The following PTCHD4 variants were observed in gnomAD, a reference collection of about 807,000 sequenced individuals.
PTCHD4 encodes patched domain-containing protein 4.
A neutral mutation model predicts 58.1 loss-of-function variants in PTCHD4; 33 were observed. The ratio of observed to expected loss-of-function variants is 0.57; its 90% CI spans 0.43 to 0.76. PTCHD4 has a LOEUF of 0.76. PTCHD4 is among the 30% of genes least tolerant of loss of function. The probability of loss-of-function intolerance (pLI) is 0.00; values close to 1 mark genes in which losing one functional copy is unlikely to be tolerated. For synonymous variants in PTCHD4, 478 were observed against 409.6 expected (o/e 1.17, Z -2.02); for missense variants, 1,058 against 1,027.1 (o/e 1.03, Z -0.41).
intron 3 of PTCHD4, among the ~76,000 whole-genome samples, chr6:48,015,043 C>G: frequency 6.6e-6 from 1 of 150,584 alleles, no homozygotes; most frequent in African/African-American, 2.5e-5. Context: ...GATTCAACTT[C>G]TTCTTTTCCC....
chr6:48,049,680 A>C (rs332562), intron 3 of PTCHD4, among the ~76,000 whole-genome samples: 131,478 of 151,818 alleles, frequency 0.87, 56,903 homozygotes, highest in Middle Eastern at 0.87. Context: ...GCTTGCATCC[A>C]TCATTAGGCC....
intron 4 of PTCHD4, among the ~76,000 whole-genome samples, chr6:47,945,783 C>G (rs988024448): frequency 1.3e-5 from 2 of 151,736 alleles, no homozygotes; most frequent in Non-Finnish European, 1.5e-5. Context: ...ATTAGATCAT[C>G]TTTACTGCCT....
intron 4 of PTCHD4, among the ~76,000 whole-genome samples, chr6:47,957,573 G>GTTTTTTT (rs56719732): frequency 6.8e-6 from 1 of 146,860 alleles, no homozygotes; most frequent in African/African-American, 2.5e-5. Flanking sequence ...TACAAGACAA[G>GTTTTTTT]TTTTTTTTTT....
At chr6:48,104,694 A>G (rs895855426) in intron 1 of PTCHD4, among the ~76,000 whole-genome samples, 3 of 152,214 alleles carry the variant, frequency 2.0e-5, no homozygotes, top group African/African-American at 7.2e-5. Context: ...AGTGTGCTGT[A>G]TTCAGGAAAC....
intron 4 of PTCHD4, among the ~76,000 whole-genome samples, chr6:47,898,798 G>GT (rs1764606042): frequency 6.6e-6 from 1 of 152,170 alleles, no homozygotes; most frequent in South Asian, 2.1e-4. Context: ...ATGAAAAGGT[G>GT]TAAGAACAAA....
chr6:48,105,544 C>T lies in PTCHD4; in HGVS notation c.-970+5505G>A, dbSNP rs189764443. Among the ~76,000 whole-genome samples the T allele has an allele frequency of 7.8e-4, 118 of 151,786 alleles. 2 individuals carry two copies. The highest frequency in any genetic ancestry group is 4.2e-4 in the South Asian group (2 of 4,796). On this transcript the variant is annotated intron_variant, in intron 1 of 4. Coordinates refer to ENST00000339488, the MANE Select transcript of PTCHD4 (RefSeq NM_001384253.1). ...CTAACATCACAATTAAAAGAACTAG[C>T]GAAGCAAGAGCAAACACATTCAAAA...
chr6:48,066,137 C>T (rs1205250557), intron 3 of PTCHD4, among the ~76,000 whole-genome samples: 7 of 151,636 alleles, frequency 4.6e-5, no homozygotes, highest in Non-Finnish European at 1.0e-4. Context: ...CCTCTGTCAC[C>T]CAGACTACTA....
chr6:47,907,599 A>T (rs1764934178), intron 4 of PTCHD4, among the ~76,000 whole-genome samples: 1 of 152,240 alleles, frequency 6.6e-6, no homozygotes, highest in Non-Finnish European at 1.5e-5. Flanking sequence ...AAATGCCAAA[A>T]GGCACAGCCA....
chr6:48,085,125 A>C (rs1023761729), intron 1 of PTCHD4, among the ~76,000 whole-genome samples: 1 of 152,062 alleles, frequency 6.6e-6, no homozygotes, highest in Non-Finnish European at 1.5e-5. Flanking sequence ...GCAAGAGTGA[A>C]GGAAATTTAC....
chr6:47,913,402 A>G (rs1009443898), intron 4 of PTCHD4, among the ~76,000 whole-genome samples: 3 of 152,086 alleles, frequency 2.0e-5, no homozygotes, highest in African/African-American at 7.2e-5. Context: ...GTGACTTGCA[A>G]TCCCAATCCT....
intron 4 of PTCHD4, among the ~76,000 whole-genome samples, chr6:47,943,936 T>C (rs1399212061): frequency 2.0e-5 from 3 of 152,060 alleles, no homozygotes; most frequent in Admixed American, 6.6e-5. Flanking sequence ...ATAAATTTCT[T>C]TTTAAACACT....
Position 48,068,849 on chromosome 6 carries a change from G to A in PTCHD4, c.5+104C>T, listed in dbSNP as rs1412840849. 6.6e-6 allele frequency among the ~76,000 whole-genome samples: 1 copy of A among 151,760 alleles called. No homozygotes were observed. Among genetic ancestry groups the A allele is most frequent in the African/African-American group, 2.4e-5 (1 of 41,330 alleles). ...ACACTGCAGCAAGTTGCAGCAAGGC[G>A]GGCAAATACCGACAGCGCGCGTGGG... On this transcript the variant is annotated intron_variant, in intron 2 of 4. Coordinates refer to ENST00000339488, the MANE Select transcript of PTCHD4 (RefSeq NM_001384253.1). The surrounding 1 kb of genome is among the most constrained non-coding windows in gnomAD (Gnocchi z 4.2).
At chr6:47,890,959 G>A (rs1389273949) in intron 4 of PTCHD4, 9 of 870,502 alleles carry the variant, frequency 1.0e-5, no homozygotes, top group Non-Finnish European at 1.2e-5. Flanking sequence ...TGTAATCCCA[G>A]CACTTTGGGG....
At chr6:47,881,064 A>C (rs1446071386) in intron 4 of PTCHD4, among the ~76,000 whole-genome samples, 2 of 152,146 alleles carry the variant, frequency 1.3e-5, no homozygotes, top group Admixed American at 1.3e-4. Flanking sequence ...AATGGATACA[A>C]GCTGTGCTTG....
At chr6:47,978,322 C>A (rs1767769399) in intron 4 of PTCHD4, among the ~76,000 whole-genome samples, 1 of 152,142 alleles carries the variant, frequency 6.6e-6, no homozygotes, top group African/African-American at 2.4e-5. Flanking sequence ...ATTCCTCACA[C>A]CAGTTTATTA....
At chr6:48,016,078 T>C (rs182795524) in intron 3 of PTCHD4, among the ~76,000 whole-genome samples, 1 of 152,056 alleles carries the variant, frequency 6.6e-6, no homozygotes, top group East Asian at 1.9e-4. Flanking sequence ...AGTATAATAT[T>C]TCCCCCAAAT....
chr6:48,022,864 C>A (rs1763113745), intron 3 of PTCHD4, among the ~76,000 whole-genome samples: 1 of 151,778 alleles, frequency 6.6e-6, no homozygotes, highest in African/African-American at 2.4e-5. Context: ...AAAGATTAAC[C>A]AAAAATCATT....
chr6:47,922,860 G>C (rs761559192), intron 4 of PTCHD4, among the ~76,000 whole-genome samples: 4 of 152,160 alleles, frequency 2.6e-5, no homozygotes, highest in Admixed American at 6.5e-5. Flanking sequence ...TTACATGCCT[G>C]GTTCCCAATT....
intron 4 of PTCHD4, among the ~76,000 whole-genome samples, chr6:47,891,924 G>C (rs1764393424): frequency 6.6e-6 from 1 of 152,124 alleles, no homozygotes; most frequent in Non-Finnish European, 1.5e-5. Flanking sequence ...AGTTTCATTT[G>C]AGTATAGGAG....
Sources: gnomAD v4.1 joint callset for allele counts (sites outside exome capture counted in the v4.1 genomes callset) on GRCh38, gnomAD v4.1.1 for gene constraint, Gnocchi (gnomAD v3.1) non-coding constraint, MANE v1.5 for transcripts, NCBI Gene and HGNC (gene_info 2026-07-23, HGNC 2026-07-21) for gene names.